Variants in ST14 observed in about 807,000 individuals in gnomAD.
ST14 encodes the protein ST14 transmembrane serine protease matriptase.
ST14 carries 40 observed loss-of-function variants against 96.5 expected under a neutral mutation model. The observed-to-expected ratio is 0.41, with a 90% CI of 0.32 to 0.54. The LOEUF is 0.54. ST14 is among the 20% of genes least tolerant of loss of function. The pLI is 0.17. For missense variants in ST14, 1,066 were observed against 1,188.9 expected (o/e 0.90, Z 1.52); for synonymous variants, 506 against 492.1 (o/e 1.03, Z -0.37).
At chr11:130,175,423 A>G (rs1037999291) in intron 1 of ST14, among the ~76,000 whole-genome samples, 4 of 151,572 alleles carry the variant, frequency 2.6e-5, no homozygotes, top group Admixed American at 2.6e-4. Flanking sequence ...CTTGTTGCCC[A>G]GGCTGGAGTG....
rs139217017 is a variant in ST14, at chr11:130,169,382, A to C, written c.81+9322A>C. 1.2e-4 allele frequency among the ~76,000 whole-genome samples: 18 copies of C among 152,334 alleles called. 1 individual carries two copies. In the East Asian group the frequency reaches 3.5e-3, roughly 29 times the overall value. On this transcript the variant is annotated intron_variant, in intron 1 of 18. Transcript: ENST00000278742. ...AGTGCTGGGATTACAGGCATGAGCC[A>C]CCACGCCTGGCCTATATAACATAAT... is the stretch of plus-strand genomic sequence containing the variant.
In ST14 at chr11:130,198,241, C is replaced by G. The variant is rs2136217148; in HGVS notation, c.1460-67C>G. 2.0e-6 allele frequency: 3 copies of G among 1,468,290 alleles called. No homozygotes were observed. In the East Asian group the frequency reaches 6.8e-5, roughly 33 times the overall value. 91.0% of individuals were successfully genotyped at this position (1,468,290 alleles called of 1,614,324 possible). On this transcript the variant is annotated intron_variant, in intron 12 of 18. Transcript: ENST00000278742. ...GCGGTCCCCAGGTAGCTCTGATCGC[C>G]TGGGCATCCTGGGGAAGCAGTGAGT...
At chr11:130,176,181 G>A (rs979514252) in intron 1 of ST14, among the ~76,000 whole-genome samples, 15 of 152,048 alleles carry the variant, frequency 9.9e-5, no homozygotes, top group African/African-American at 3.4e-4. Context: ...TGTAGTCTCC[G>A]TCCTCACTGG....
At chr11:130,170,662 TTAGGAAC>T (rs1378006409) in intron 1 of ST14, among the ~76,000 whole-genome samples, 1 of 146,072 alleles carries the variant, frequency 6.8e-6, no homozygotes, top group East Asian at 2.0e-4. Flanking sequence ...AACCGAGAGG[TTAGGAAC>T]CTCTTGGTTC....
intron 16 of ST14, among the ~76,000 whole-genome samples, chr11:130,203,289 C>T (rs1392785983): frequency 6.6e-6 from 1 of 152,204 alleles, no homozygotes; most frequent in Non-Finnish European, 1.5e-5. Flanking sequence ...GAGACCCTTT[C>T]AGCTACATGC....
At chr11:130,204,490 C>T (rs1591896473) in intron 16 of ST14, among the ~76,000 whole-genome samples, 2 of 152,224 alleles carry the variant, frequency 1.3e-5, no homozygotes, top group South Asian at 2.1e-4. Context: ...CCTTGGCGTG[C>T]GATTCCGTGG....
chr11:130,184,405 ATTCTTATCCGTGATC>A (rs1205796705), intron 1 of ST14, among the ~76,000 whole-genome samples: 5 of 152,342 alleles, frequency 3.3e-5, no homozygotes, highest in African/African-American at 1.2e-4. Flanking sequence ...TAGAGGATCC[ATTCTTATCCGTGATC>A]TTCTGAAATG....
At chr11:130,209,348 A>ATGACCCGTGGG (rs1953523247) in intron 17 of ST14, 94 bp from the exon 18 acceptor site, 1 of 1,515,700 alleles carries the variant, frequency 6.6e-7, no homozygotes, top group Non-Finnish European at 8.9e-7. Flanking sequence ...GGGCTGTTCC[A>ATGACCCGTGGG]GAGTTTTCTA....
chr11:130,167,898 A>T (rs1953056287), intron 1 of ST14, among the ~76,000 whole-genome samples: 1 of 152,154 alleles, frequency 6.6e-6, no homozygotes, highest in African/African-American at 2.4e-5. Flanking sequence ...TATTTTTAGT[A>T]GAGATGGCGG....
chr11:130,188,791 G>GGA lies in ST14; in HGVS notation c.370-76_370-75dup, dbSNP rs1413292827. The GGA allele has an allele frequency of 5.0e-6, 8 of 1,603,448 alleles. No individual in the cohort carries two copies. The East Asian group carries it at 1.6e-4, about 31-fold the overall frequency. Reference sequence around the variant, plus strand: ...GATCTGCAAAGGGGACCCGGGCCCTGGAGGGGAGGGAGCAGCCCGGGCTTG... The same window carrying GGA: ...GATCTGCAAAGGGGACCCGGGCCCTGGAGAGGGGAGGGAGCAGCCCGGGCTTG... On this transcript the variant is annotated intron_variant, in intron 3 of 18. Coordinates refer to ENST00000278742, the MANE Select transcript of ST14 (RefSeq NM_021978.4). This position sits in a 1 kb window ranked among gnomAD's most constrained non-coding sequence, Gnocchi z 5.4.
chr11:130,189,643 G>A (rs1020841719), intron 4 of ST14, 96 bp from the exon 5 acceptor site: 2 of 1,532,016 alleles, frequency 1.3e-6, no homozygotes, highest in African/African-American at 2.7e-5. Flanking sequence ...AGGCCCAGGT[G>A]TGCCCCGAGC....
intron 1 of ST14, among the ~76,000 whole-genome samples, chr11:130,172,915 G>A (rs117831687): frequency 0.011 from 1,701 of 152,288 alleles, 18 homozygotes; most frequent in Non-Finnish European, 0.018. Flanking sequence ...CGAGCCTCAC[G>A]CATCTGCAGT....
intron 1 of ST14, among the ~76,000 whole-genome samples, chr11:130,177,059 G>A (rs1468954213): frequency 2.0e-5 from 3 of 151,252 alleles, no homozygotes; most frequent in East Asian, 4.0e-4. Flanking sequence ...TGGCCTCCCA[G>A]AGTGCTGGGA....
chr11:130,198,782 A>C (rs1204351834), intron 14 of ST14, among the ~76,000 whole-genome samples, 161 bp downstream of exon 14: 1 of 152,066 alleles, frequency 6.6e-6, no homozygotes, highest in Non-Finnish European at 1.5e-5. Flanking sequence ...ATTTTCCAGA[A>C]GGTGGAGAAC....
chr11:130,189,331 C>A, intron 4 of ST14: 1 of 441,680 alleles, frequency 2.3e-6, no homozygotes, highest in Non-Finnish European at 4.1e-6. Context: ...AGACTTTATT[C>A]TCAAAGTGCT....
At chr11:130,178,590 T>G (rs988663026) in intron 1 of ST14, among the ~76,000 whole-genome samples, 4 of 152,198 alleles carry the variant, frequency 2.6e-5, no homozygotes, top group African/African-American at 9.7e-5. Flanking sequence ...ACAGCTGGGC[T>G]GAGTCAGGTC....
intron 1 of ST14, among the ~76,000 whole-genome samples, chr11:130,161,227 G>A (rs574587508): frequency 2.6e-5 from 4 of 152,224 alleles, no homozygotes; most frequent in Admixed American, 1.3e-4. Context: ...CCTCAGCAAG[G>A]AGGAAAGCTT....
At chr11:130,194,828 G>A in intron 9 of ST14, 91 bp downstream of exon 9, 4 of 1,343,268 alleles carry the variant, frequency 3.0e-6, no homozygotes, top group Non-Finnish European at 4.2e-6. Context: ...GTGGATGTGT[G>A]TGCATGTGTT....
At position 130,210,229 on chromosome 11, in the gene ST14, G is replaced by A. The variant is rs906476034; in HGVS notation, c.*406G>A. The A allele has an allele frequency of 4.7e-5, 9 of 191,968 alleles. No individual in the cohort carries two copies. Among genetic ancestry groups the A allele is most frequent in the Admixed American group, 2.7e-4 (5 of 18,606 alleles). The allele number at this position is 191,968 out of a possible 1,614,324, so 11.9% of individuals were successfully genotyped here. On this transcript the variant is annotated 3_prime_UTR_variant, in exon 19 of 19. Coordinates refer to ENST00000278742, the MANE Select transcript of ST14 (RefSeq NM_021978.4). ...CTGGGCTGTGGGGCCCTTGGGCCAC[G>A]CTCTTGAGGAAGCCCAGGCTCGGAG... is the stretch of plus-strand genomic sequence containing the variant.
Sources: gnomAD v4.1 joint callset for allele counts (sites outside exome capture counted in the v4.1 genomes callset) on GRCh38, gnomAD v4.1.1 for gene constraint, Gnocchi (gnomAD v3.1) non-coding constraint, MANE v1.5 for transcripts, NCBI Gene and HGNC (gene_info 2026-07-23, HGNC 2026-07-21) for gene names.